SOS1: variants seen among roughly 807,000 people sequenced by gnomAD.
SOS1 encodes SOS Ras/Rac guanine nucleotide exchange factor 1, also known as son of sevenless homolog 1.
A neutral mutation model predicts 157.6 loss-of-function variants in SOS1; 25 were observed. That is an observed-to-expected ratio of 0.16 (90% CI 0.12 to 0.22). The LOEUF (loss-of-function observed/expected upper bound fraction) is 0.22. Among genes scored for constraint, SOS1 ranks in the 10% least tolerant of loss-of-function variants. The pLI, the probability that SOS1 is intolerant of heterozygous loss-of-function variation, is 1.00. For synonymous variants in SOS1, 528 were observed against 534.0 expected (o/e 0.99, Z 0.16); for missense variants, 1,237 against 1,599.1 (o/e 0.77, Z 3.86).
chr2:39,111,723 C>CAT (rs967251084), intron 1 of SOS1, among the ~76,000 whole-genome samples: 1 of 141,248 alleles, frequency 7.1e-6, no homozygotes. Flanking sequence ...CTCTGGAATC[C>CAT]TTTTTTTTTT....
At chr2:39,071,847 C>T (rs1389955164) in intron 1 of SOS1, among the ~76,000 whole-genome samples, 1 of 151,422 alleles carries the variant, frequency 6.6e-6, no homozygotes, top group Non-Finnish European at 1.5e-5. Context: ...CATGCAGTTT[C>T]GCTCACACTG....
intron 17 of SOS1, among the ~76,000 whole-genome samples, chr2:38,998,797 T>C (rs1668988335): frequency 6.6e-6 from 1 of 152,162 alleles, no homozygotes; most frequent in African/African-American, 2.4e-5. Context: ...ATTACAATGC[T>C]TTGAGGAGAA....
chr2:39,004,291 C>T lies in SOS1; in HGVS notation c.2791+2121G>A, dbSNP rs544956643. ...GAAATTAGCTGGGTGTGGTGGTGGGCGCCTGTAGTCCCAGCTACTTGGGAG... is the reference window on the plus strand; with the variant it reads ...GAAATTAGCTGGGTGTGGTGGTGGGTGCCTGTAGTCCCAGCTACTTGGGAG... On this transcript the variant is annotated intron_variant, in intron 17 of 22. Transcript: ENST00000402219. 1.2e-4 allele frequency among the ~76,000 whole-genome samples: 18 copies of T among 150,572 alleles called. No individual in the cohort carries two copies. The South Asian group carries it at 2.1e-3, about 18-fold the overall frequency.
chr2:39,067,975 C>T (rs1174488743), intron 1 of SOS1, among the ~76,000 whole-genome samples: 3 of 152,058 alleles, frequency 2.0e-5, no homozygotes, highest in Non-Finnish European at 2.9e-5. Context: ...AAAAATTAGC[C>T]GGGCCTTGTG....
chr2:39,073,944 T>A (rs1056950257), intron 1 of SOS1, among the ~76,000 whole-genome samples: 1 of 152,224 alleles, frequency 6.6e-6, no homozygotes, highest in African/African-American at 2.4e-5. Flanking sequence ...ATCGGAATAA[T>A]CAAATCTCTT....
Position 39,039,249 on chromosome 2 carries a change from C to G in SOS1, c.865-3749G>C, listed in dbSNP as rs147881892. The stretch of plus-strand genomic sequence containing the variant: ...GTGACTTGCTTTATTGTGACATTCA[C>G]TTTATTGCAGTAGTCTGAAACCTAA... On this transcript the variant is annotated intron_variant, in intron 6 of 22. Coordinates refer to ENST00000402219, the MANE Select transcript of SOS1 (RefSeq NM_005633.4). 1.6e-3 allele frequency among the ~76,000 whole-genome samples: 239 copies of G among 152,280 alleles called. 1 individual carries two copies. In the East Asian group the frequency reaches 0.019, roughly 12 times the overall value.
At chr2:39,030,617 ATGTAGCCAG>A (rs1558478319) in intron 8 of SOS1, among the ~76,000 whole-genome samples, 2 of 151,692 alleles carry the variant, frequency 1.3e-5, no homozygotes, top group East Asian at 3.9e-4. Context: ...TATAAAGCCA[ATGTAGCCAG>A]TGTATATGCT....
chr2:39,099,879 C>T (rs975176009), intron 1 of SOS1, among the ~76,000 whole-genome samples: 5 of 151,998 alleles, frequency 3.3e-5, no homozygotes, highest in African/African-American at 1.2e-4. Flanking sequence ...GCCGGGATTA[C>T]GGGCCCTGCT....
At chr2:39,089,487 C>A (rs1672501998) in intron 1 of SOS1, among the ~76,000 whole-genome samples, 1 of 147,182 alleles carries the variant, frequency 6.8e-6, no homozygotes, top group Non-Finnish European at 1.5e-5. Context: ...AGCCATTGTG[C>A]CATGGCACTC....
chr2:39,058,161 A>G (rs936839033), intron 3 of SOS1, among the ~76,000 whole-genome samples: 6 of 152,082 alleles, frequency 3.9e-5, no homozygotes, highest in African/African-American at 1.4e-4. Flanking sequence ...GCATTATTCG[A>G]GCTTCCGGCA....
chr2:39,079,815 TG>T (rs1407977440), intron 1 of SOS1, among the ~76,000 whole-genome samples: 1 of 152,078 alleles, frequency 6.6e-6, no homozygotes, highest in East Asian at 1.9e-4. Context: ...TTTTTTAACC[TG>T]TATGTTAGGT....
intron 6 of SOS1, among the ~76,000 whole-genome samples, chr2:39,037,233 A>G (rs1558481611): frequency 6.6e-6 from 1 of 152,236 alleles, no homozygotes; most frequent in Non-Finnish European, 1.5e-5. Flanking sequence ...CAAAAACAAC[A>G]AGAGGATGGA....
chr2:39,112,606 A>G (rs901668565), intron 1 of SOS1, among the ~76,000 whole-genome samples: 18 of 152,034 alleles, frequency 1.2e-4, no homozygotes, highest in African/African-American at 4.1e-4. Context: ...CTGGCTTGCA[A>G]TTCCTTTCTA....
At chr2:39,090,569 G>A (rs562212923) in intron 1 of SOS1, among the ~76,000 whole-genome samples, 1 of 151,562 alleles carries the variant, frequency 6.6e-6, no homozygotes, top group Non-Finnish European at 1.5e-5. Context: ...GGTGGCAGGC[G>A]CCTGTAATCC....
At chr2:39,119,652 G>A (rs961664802) in intron 1 of SOS1, among the ~76,000 whole-genome samples, 4 of 152,184 alleles carry the variant, frequency 2.6e-5, no homozygotes, top group Non-Finnish European at 5.9e-5. Context: ...GCACAGATCG[G>A]GGGTATGTAA....
At chr2:39,091,439 C>T (rs1244098828) in intron 1 of SOS1, among the ~76,000 whole-genome samples, 4 of 152,062 alleles carry the variant, frequency 2.6e-5, no homozygotes, top group Non-Finnish European at 4.4e-5. Context: ...TCAACTTTCC[C>T]ATAGGTATAA....
rs374761537 is a variant in SOS1, at chr2:39,054,696, C to T, written c.638G>A (p.Arg213Gln). Residue 213 changes from arginine (R) to glutamine (Q), a missense_variant, in exon 5 of 23, where the codon CGA becomes CAA. Arg to Gln is a conservative substitution (Grantham distance 43, BLOSUM62 1). This residue lies in a region of SOS1 where 108 missense variants were observed against 115.3 expected (regional missense o/e 0.94). Transcript: ENST00000402219. ...DLVKAFMAEI[R>Q]QYIRELNLII... ...TAGATTTAGTTCCCTTATATATTGTCGAATTTCTGCCATAAATGCTTTTAC... is the reference window on the plus strand; with the variant it reads ...TAGATTTAGTTCCCTTATATATTGTTGAATTTCTGCCATAAATGCTTTTAC... 8 of 1,599,324 alleles carry T rather than the reference C, an allele frequency of 5.0e-6. No homozygotes were observed. The highest frequency in any genetic ancestry group is 4.0e-5 in the African/African-American group (3 of 74,614).
chr2:39,036,032 T>G (rs1316694980), intron 6 of SOS1, among the ~76,000 whole-genome samples: 4 of 152,176 alleles, frequency 2.6e-5, no homozygotes, highest in Admixed American at 2.6e-4. Flanking sequence ...TTGCCATCAT[T>G]AATATCACCA....
chr2:39,109,840 C>T (rs59732351), intron 1 of SOS1, among the ~76,000 whole-genome samples: 23,026 of 152,058 alleles, frequency 0.15, 2,732 homozygotes, highest in African/African-American at 0.32. Context: ...TGCCATGGTT[C>T]ATTAACACAG....
Sources: gnomAD v4.1 joint callset for allele counts (sites outside exome capture counted in the v4.1 genomes callset) on GRCh38, gnomAD v4.1.1 for gene constraint, gnomAD v4.1.1 regional missense constraint, MANE v1.5 for transcripts, NCBI Gene and HGNC (gene_info 2026-07-23, HGNC 2026-07-21) for gene names.